The following KDM5A variants were observed in gnomAD, a reference collection of about 807,000 sequenced individuals.
KDM5A encodes the protein lysine demethylase 5A, also known as lysine-specific demethylase 5A.
Under a neutral mutation model 193.5 loss-of-function variants are expected in KDM5A, and 42 were observed. The observed-to-expected ratio is 0.22, with a 90% confidence interval of 0.17 to 0.28. The LOEUF is 0.28. Ranked by LOEUF, KDM5A falls within the 10% of genes least tolerant of loss-of-function variation. The pLI is 1.00. For missense variants in KDM5A, 1,692 were observed against 2,055.1 expected (o/e 0.82, Z 3.42); for synonymous variants, 796 against 718.1 (o/e 1.11, Z -1.73).
chr12:357,733 CAGA>C (rs1216228417), intron 5 of KDM5A, among the ~76,000 whole-genome samples: 6 of 138,574 alleles, frequency 4.3e-5, no homozygotes, highest in African/African-American at 1.6e-4. Flanking sequence ...GAGGCTGAAG[CAGA>C]AGAATTACTT....
rs1272739937 is a variant in KDM5A at position 313,155 on chromosome 12, A to G, written c.2937T>C (p.Asn979=). Reference sequence around the variant, plus strand: ...GAAAGGCTGGAATGTTCTTGGCTTCATTCACAATGCTTTCTAAACTTGCCA... The same window carrying G: ...GAAAGGCTGGAATGTTCTTGGCTTCGTTCACAATGCTTTCTAAACTTGCCA... ...HSVASLESIV[N]EAKNIPAFLP... is the part of the protein sequence containing the mutation. Residue 979 remains asparagine, a synonymous_variant, in exon 20 of 28, where the codon AAT becomes AAC. Coordinates refer to ENST00000399788, the MANE Select transcript of KDM5A (RefSeq NM_001042603.3). 6.2e-7 allele frequency: 1 copy of G among 1,614,040 alleles called. No individual in the cohort carries two copies. Among genetic ancestry groups the G allele is most frequent in the African/African-American group, 1.3e-5 (1 of 74,938 alleles).
At chr12:293,321 T>C (rs1056314644) in intron 26 of KDM5A, 152 bp from the exon 27 acceptor site, 1 of 667,346 alleles carries the variant, frequency 1.5e-6, no homozygotes, top group Non-Finnish European at 2.4e-6. Flanking sequence ...GAAATGGAGA[T>C]TTGTTTAGTG....
At chr12:367,420 G>A (rs1166180311) in intron 3 of KDM5A, among the ~76,000 whole-genome samples, 1 of 152,088 alleles carries the variant, frequency 6.6e-6, no homozygotes, top group Non-Finnish European at 1.5e-5. Flanking sequence ...GGGCAGGTTG[G>A]GCAGGGTGGC....
At chr12:337,490 T>C (rs1380062044) in intron 10 of KDM5A, among the ~76,000 whole-genome samples, 1 of 152,094 alleles carries the variant, frequency 6.6e-6, no homozygotes, top group Non-Finnish European at 1.5e-5. Flanking sequence ...GGAAGAGTCA[T>C]ACGCAAAAAC....
chr12:342,362 T>C (rs1289374923), intron 10 of KDM5A, among the ~76,000 whole-genome samples: 6 of 152,202 alleles, frequency 3.9e-5, no homozygotes, highest in African/African-American at 4.8e-5. Flanking sequence ...TCCTACGTGA[T>C]AGAACTGTAT....
In KDM5A at chr12:323,210, CAAAAAAAAAAAAAA is replaced by C. The variant is rs60377454; in HGVS notation, c.2151-18_2151-5del. The C allele has an allele frequency of 0.016, 4,642 of 296,986 alleles. 16 individuals carry two copies. The highest frequency in any genetic ancestry group is 0.02 in the Non-Finnish European group (4,270 of 210,176). The allele number at this position is 296,986 out of a possible 1,614,324, so 18.4% of individuals were successfully genotyped here. A position where few individuals can be genotyped will look rare whatever the true frequency, so the allele number is the denominator to read the frequency against. On this transcript the variant is annotated splice_polypyrimidine_tract_variant and splice_region_variant and intron_variant, in intron 15 of 27. Coordinates refer to ENST00000399788, the MANE Select transcript of KDM5A (RefSeq NM_001042603.3). ...GTCTTCTAATGGGTAGCGATATCTA[CAAAAAAAAAAAAAA>C]AAAAAAAAAAAAAAAGAAAACAGAA...
intron 24 of KDM5A, among the ~76,000 whole-genome samples, chr12:303,144 C>A (rs141878928): frequency 6.6e-6 from 1 of 152,200 alleles, no homozygotes; most frequent in African/African-American, 2.4e-5. Flanking sequence ...TACCATTTGA[C>A]CCAGCAATCC....
At chr12:370,010 T>C (rs954314302) in intron 3 of KDM5A, among the ~76,000 whole-genome samples, 1 of 152,214 alleles carries the variant, frequency 6.6e-6, no homozygotes, top group Non-Finnish European at 1.5e-5. Context: ...ACGCATACAA[T>C]ACTCTAACAA....
chr12:379,860 T>C (rs2137492623), intron 3 of KDM5A, among the ~76,000 whole-genome samples: 1 of 152,356 alleles, frequency 6.6e-6, no homozygotes, highest in African/African-American at 2.4e-5. Flanking sequence ...CTTCTCAAGA[T>C]GGAGTTAAAC....
At position 318,174 on chromosome 12, in the gene KDM5A, A is replaced by G; in HGVS notation, c.2829T>C (p.Ala943=). ...AGACTGTAAGGAGCTCCTGTAGTTC[A>G]GCCATTGCTTTCTCCACAGCATGGT... ...APHHAVEKAM[A]ELQELLTVSE... The change falls in exon 19 of 28, where the codon GCT becomes GCC. Residue 943 remains alanine, a synonymous_variant. Coordinates refer to ENST00000399788, the MANE Select transcript of KDM5A (RefSeq NM_001042603.3). 6.2e-7 allele frequency: 1 copy of G among 1,614,222 alleles called. No homozygotes were observed. Among genetic ancestry groups the G allele is most frequent in the Non-Finnish European group, 8.5e-7 (1 of 1,180,034 alleles).
intron 10 of KDM5A, among the ~76,000 whole-genome samples, chr12:346,193 T>C (rs984171450): frequency 2.0e-5 from 3 of 152,106 alleles, no homozygotes; most frequent in Admixed American, 6.5e-5. Context: ...CCTGGACACA[T>C]ACACTCTCCC....
Position 280,487 on chromosome 12 carries a change from A to G in KDM5A, c.*4969T>C, listed in dbSNP as rs1361176517. On this transcript the variant is annotated 3_prime_UTR_variant, in exon 28 of 28. Transcript: ENST00000399788. ...CGCTCTTTCAACCAACCCTCCTCCT[A>G]ACATACACATACAGAGTTACACATT... 4.3e-6 allele frequency: 1 copy of G among 232,930 alleles called. No homozygotes were observed. The highest frequency in any genetic ancestry group is 2.2e-5 in the African/African-American group (1 of 45,290). 14.4% of individuals were successfully genotyped at this position (232,930 alleles called of 1,614,324 possible).
intron 3 of KDM5A, among the ~76,000 whole-genome samples, chr12:368,762 T>C (rs867193298): frequency 1.3e-5 from 2 of 152,116 alleles, no homozygotes; most frequent in Non-Finnish European, 2.9e-5. Context: ...CACAGTTACA[T>C]GACCCTGGCA....
At chr12:330,104 G>GA (rs1943847516) in intron 13 of KDM5A, among the ~76,000 whole-genome samples, 1 of 105,076 alleles carries the variant, frequency 9.5e-6, no homozygotes, top group Admixed American at 9.1e-5. Flanking sequence ...TATATCTTAT[G>GA]ATTAGCAATT....
intron 24 of KDM5A, among the ~76,000 whole-genome samples, chr12:303,875 T>C (rs568138059): frequency 5.9e-5 from 9 of 152,342 alleles, no homozygotes; most frequent in Admixed American, 4.6e-4. Flanking sequence ...TAAGTCTTCA[T>C]GTAATGTCAT....
intron 15 of KDM5A, 23 bp from the exon 16 acceptor site, chr12:323,229 A>AAAAAAAAAAAAAAAAAAAG: frequency 1.3e-6 from 2 of 1,495,422 alleles, no homozygotes; most frequent in South Asian, 1.3e-5. Context: ...AAAAAAAAAA[A>AAAAAAAAAAAAAAAAAAAG]AAAAAAAAAA....
At chr12:388,260 A>T (rs1489627164) in intron 1 of KDM5A, 1 of 456,026 alleles carries the variant, frequency 2.2e-6, no homozygotes, top group East Asian at 6.9e-5. Flanking sequence ...AATTAACCTT[A>T]TAGGCAAACC....
chr12:373,434 T>A (rs1183790515), intron 3 of KDM5A, among the ~76,000 whole-genome samples: 1 of 152,210 alleles, frequency 6.6e-6, no homozygotes, highest in Non-Finnish European at 1.5e-5. Context: ...GGTGGTGATA[T>A]CCCCTTTATC....
chr12:349,587 C>A (rs1236570730), intron 10 of KDM5A, among the ~76,000 whole-genome samples: 1 of 152,022 alleles, frequency 6.6e-6, no homozygotes, highest in Non-Finnish European at 1.5e-5. Flanking sequence ...CTCGGCCTCA[C>A]AAAGTGCTGG....
Sources: gnomAD v4.1 joint callset for allele counts (sites outside exome capture counted in the v4.1 genomes callset) on GRCh38, gnomAD v4.1.1 for gene constraint, MANE v1.5 for transcripts, NCBI Gene and HGNC (gene_info 2026-07-23, HGNC 2026-07-21) for gene names.